Variants in USP12 observed in about 807,000 individuals in gnomAD.
The protein encoded by USP12 is ubiquitin specific peptidase 12.
Under a neutral mutation model 45.5 loss-of-function variants are expected in USP12, and 19 were observed. That is an observed-to-expected ratio of 0.42 (90% confidence interval 0.29 to 0.61). The LOEUF (loss-of-function observed/expected upper bound fraction) is 0.61, where lower values mean the gene tolerates loss of function less well. Ranked by LOEUF, USP12 falls within the 20% of genes least tolerant of loss-of-function variation. The pLI is 0.22. For synonymous variants in USP12, 149 were observed against 148.8 expected (o/e 1.00, Z -0.01); for missense variants, 242 against 447.7 (o/e 0.54, Z 4.15).
At chr13:27,123,892 T>C (rs1434899854) in intron 1 of USP12, among the ~76,000 whole-genome samples, 1 of 152,218 alleles carries the variant, frequency 6.6e-6, no homozygotes, top group Non-Finnish European at 1.5e-5. Flanking sequence ...ACTTACCTAG[T>C]ATGAATTCTT....
At chr13:27,075,993 G>T (rs959095669) in intron 6 of USP12, among the ~76,000 whole-genome samples, 1 of 139,182 alleles carries the variant, frequency 7.2e-6, no homozygotes, top group African/African-American at 2.7e-5. Flanking sequence ...TCACGCCACT[G>T]CACTCCAGCC....
intron 1 of USP12, among the ~76,000 whole-genome samples, chr13:27,130,245 T>C (rs1302626131): frequency 6.6e-6 from 1 of 152,216 alleles, no homozygotes; most frequent in Non-Finnish European, 1.5e-5. Flanking sequence ...CTTGCTTTTG[T>C]TTCTGTCCCC....
chr13:27,071,278 C>A (rs566239914), intron 7 of USP12, 129 bp from the exon 8 acceptor site: 22 of 711,042 alleles, frequency 3.1e-5, no homozygotes, highest in Middle Eastern at 8.2e-4. Flanking sequence ...CTTTTTTATA[C>A]CCCTTACCTA....
chr13:27,150,201 C>T (rs1478336019), intron 1 of USP12, among the ~76,000 whole-genome samples: 2 of 152,094 alleles, frequency 1.3e-5, no homozygotes, highest in Non-Finnish European at 2.9e-5. Context: ...TCACACTGTA[C>T]CCCACAAATA....
intron 3 of USP12, among the ~76,000 whole-genome samples, chr13:27,097,972 C>A (rs1008965553): frequency 7.2e-6 from 1 of 139,096 alleles, no homozygotes; most frequent in Non-Finnish European, 1.5e-5. Flanking sequence ...CTGGAGGTAA[C>A]TTTATATAGT....
At chr13:27,151,273 G>A (rs936801719) in intron 1 of USP12, among the ~76,000 whole-genome samples, 3 of 152,070 alleles carry the variant, frequency 2.0e-5, no homozygotes, top group South Asian at 2.1e-4. Flanking sequence ...GGAGGTTGCC[G>A]TGAGCCAAGA....
intron 2 of USP12, among the ~76,000 whole-genome samples, chr13:27,108,365 A>G (rs1316793995): frequency 6.6e-6 from 1 of 151,472 alleles, no homozygotes; most frequent in Non-Finnish European, 1.5e-5. Flanking sequence ...GGGGAACATC[A>G]CACTCTGAGG....
At chr13:27,133,455 C>T (rs9579072) in intron 1 of USP12, among the ~76,000 whole-genome samples, 42,696 of 151,890 alleles carry the variant, frequency 0.28, 6,553 homozygotes, top group Non-Finnish European at 0.35. Flanking sequence ...GGTGAAACCC[C>T]GTCTCCACTA....
At chr13:27,106,032 A>G in intron 2 of USP12, 88 bp from the exon 3 acceptor site, 1 of 1,153,012 alleles carries the variant, frequency 8.7e-7, no homozygotes, top group East Asian at 2.6e-5. Context: ...GAACAGAAAG[A>G]GATGACAATC....
chr13:27,101,741 C>G (rs1271343257), intron 3 of USP12, among the ~76,000 whole-genome samples: 1 of 152,064 alleles, frequency 6.6e-6, no homozygotes, highest in Non-Finnish European at 1.5e-5. Context: ...ACACAAAATA[C>G]CATTTATGCT....
chr13:27,157,633 G>T (rs1442453805), intron 1 of USP12, among the ~76,000 whole-genome samples: 2 of 152,132 alleles, frequency 1.3e-5, no homozygotes, highest in Non-Finnish European at 2.9e-5. Flanking sequence ...ATTAAATCAT[G>T]TAAGTAATTT....
rs1274697267 is a variant in USP12, at chr13:27,140,372, GCA to G, written c.49-23778_49-23777del. On this transcript the variant is annotated intron_variant, in intron 1 of 8. Coordinates refer to ENST00000282344, the MANE Select transcript of USP12 (RefSeq NM_182488.4). ...ATGTGAAATTTTCATTTTCAATTCA[GCA>G]CAGTTATGAAAACACACAGTCAAAA... Among the ~76,000 whole-genome samples, 27 of 152,256 alleles carry G rather than the reference GCA, an allele frequency of 1.8e-4. No homozygotes were observed. In the South Asian group the frequency reaches 2.7e-3, roughly 15 times the overall value.
intron 1 of USP12, among the ~76,000 whole-genome samples, chr13:27,153,760 T>C (rs1412691046): frequency 6.6e-6 from 1 of 152,082 alleles, no homozygotes; most frequent in African/African-American, 2.4e-5. Flanking sequence ...TCACCTAGCA[T>C]AGCCCATACA....
chr13:27,155,290 C>T (rs1285371810), intron 1 of USP12, among the ~76,000 whole-genome samples: 2 of 151,744 alleles, frequency 1.3e-5, no homozygotes, highest in Non-Finnish European at 2.9e-5. Flanking sequence ...ACCATGTTGG[C>T]CAAGATGGTC....
At chr13:27,128,266 G>A (rs1178797959) in intron 1 of USP12, among the ~76,000 whole-genome samples, 1 of 152,170 alleles carries the variant, frequency 6.6e-6, no homozygotes, top group Non-Finnish European at 1.5e-5. Context: ...ATCTCTGTTA[G>A]AAGTAACAGT....
chr13:27,101,421 C>G (rs1356493131), intron 3 of USP12, among the ~76,000 whole-genome samples: 1 of 152,178 alleles, frequency 6.6e-6, no homozygotes, highest in African/African-American at 2.4e-5. Context: ...TTCAAACTTG[C>G]TTTGGAAGTT....
chr13:27,093,754 A>G (rs1874429743), intron 4 of USP12, among the ~76,000 whole-genome samples: 1 of 152,254 alleles, frequency 6.6e-6, no homozygotes, highest in African/African-American at 2.4e-5. Flanking sequence ...CATAATTGGC[A>G]AAACTTGGAA....
At chr13:27,086,937 T>C (rs1874072510) in intron 6 of USP12, among the ~76,000 whole-genome samples, 1 of 152,190 alleles carries the variant, frequency 6.6e-6, no homozygotes, top group Non-Finnish European at 1.5e-5. Context: ...AACACTTTCC[T>C]TCCTAGGAAA....
intron 2 of USP12, among the ~76,000 whole-genome samples, chr13:27,107,639 G>A (rs1055046354): frequency 6.6e-6 from 1 of 152,170 alleles, no homozygotes; most frequent in Non-Finnish European, 1.5e-5. Context: ...CCTATACCCA[G>A]ATTGTGTTCT....
Sources: gnomAD v4.1 joint callset for allele counts (sites outside exome capture counted in the v4.1 genomes callset) on GRCh38, gnomAD v4.1.1 for gene constraint, MANE v1.5 for transcripts, NCBI Gene and HGNC (gene_info 2026-07-23, HGNC 2026-07-21) for gene names.